The following ZFPM2 variants were observed in gnomAD, a reference collection of about 807,000 sequenced individuals.
ZFPM2 encodes the protein zinc finger protein, FOG family member 2, also known as zinc finger protein ZFPM2.
ZFPM2 carries 20 observed loss-of-function variants against 98.6 expected under a neutral mutation model. The ratio of observed to expected loss-of-function variants is 0.20; its 90% CI spans 0.14 to 0.29. The LOEUF (loss-of-function observed/expected upper bound fraction) is 0.29, where lower values mean the gene tolerates loss of function less well. Ranked by LOEUF, ZFPM2 falls within the 10% of genes least tolerant of loss-of-function variation. ZFPM2 has a pLI of 1.00. For missense variants in ZFPM2, 1,310 were observed against 1,388.6 expected, an observed-to-expected ratio of 0.94 and a Z score of 0.90; for synonymous variants, 518 against 502.7, an observed-to-expected ratio of 1.03 and a Z score of -0.41.
At chr8:105,599,642 A>G (rs1232660307) in intron 4 of ZFPM2, among the ~76,000 whole-genome samples, 1 of 152,036 alleles carries the variant, frequency 6.6e-6, no homozygotes, top group African/African-American at 2.4e-5. Flanking sequence ...CAGGCCTTTC[A>G]TCTATGGCAA....
chr8:105,733,995 A>T (rs928041528), intron 5 of ZFPM2, among the ~76,000 whole-genome samples: 1 of 151,922 alleles, frequency 6.6e-6, no homozygotes, highest in African/African-American at 2.4e-5. Context: ...TCATTCTGCC[A>T]GCCAACATTA....
At chr8:105,553,948 A>G (rs1318654952) in intron 3 of ZFPM2, among the ~76,000 whole-genome samples, 1 of 152,158 alleles carries the variant, frequency 6.6e-6, no homozygotes, top group Non-Finnish European at 1.5e-5. Flanking sequence ...ACAAGGTTCG[A>G]TTTATTAAAG....
At chr8:105,476,450 C>G (rs1016021336) in intron 3 of ZFPM2, among the ~76,000 whole-genome samples, 6 of 152,102 alleles carry the variant, frequency 3.9e-5, no homozygotes, top group African/African-American at 9.7e-5. Flanking sequence ...AGTTTCATCC[C>G]GGAACCATCC....
At chr8:105,432,943 A>G (rs1812048249) in intron 2 of ZFPM2, among the ~76,000 whole-genome samples, 1 of 152,110 alleles carries the variant, frequency 6.6e-6, no homozygotes, top group Admixed American at 6.5e-5. Context: ...TCCACAAAAC[A>G]TAAAAATAAT....
chr8:105,342,497 C>T (rs541006726), intron 1 of ZFPM2, among the ~76,000 whole-genome samples: 32 of 151,988 alleles, frequency 2.1e-4, no homozygotes, highest in Non-Finnish European at 1.9e-4. Flanking sequence ...GTGAGACATT[C>T]GGATGCTCAC....
intron 3 of ZFPM2, among the ~76,000 whole-genome samples, chr8:105,498,008 A>C (rs1586416902): frequency 7.2e-6 from 1 of 139,028 alleles, no homozygotes; most frequent in African/African-American, 2.8e-5. Context: ...CAACATAGGG[A>C]GGCCCTCCCC....
chr8:105,709,399 G>A (rs1811329966), intron 5 of ZFPM2, among the ~76,000 whole-genome samples: 1 of 152,124 alleles, frequency 6.6e-6, no homozygotes. Flanking sequence ...TGTTCTTGAT[G>A]TTTTCTTTTT....
chr8:105,533,954 TCCTC>T (rs1363889308), intron 3 of ZFPM2, among the ~76,000 whole-genome samples: 1 of 7,492 alleles, frequency 1.3e-4, no homozygotes, highest in Non-Finnish European at 2.1e-4. Flanking sequence ...CTTCTTTCCT[TCCTC>T]CCTCCCTCCC....
chr8:105,566,448 A>G (rs2130710637), intron 4 of ZFPM2, among the ~76,000 whole-genome samples: 1 of 152,264 alleles, frequency 6.6e-6, no homozygotes, highest in Non-Finnish European at 1.5e-5. Flanking sequence ...TTTAAAAATC[A>G]CCTTAAGTTC....
intron 5 of ZFPM2, among the ~76,000 whole-genome samples, chr8:105,735,944 C>T (rs529749258): frequency 1.5e-4 from 23 of 152,060 alleles, no homozygotes; most frequent in African/African-American, 3.6e-4. Flanking sequence ...AAAAATTTAA[C>T]GCGGCTATAA....
intron 3 of ZFPM2, among the ~76,000 whole-genome samples, chr8:105,446,419 G>A (rs1812371077): frequency 6.6e-6 from 1 of 152,054 alleles, no homozygotes; most frequent in Admixed American, 6.6e-5. Flanking sequence ...AGTGACTTGG[G>A]AGTAAGTAAG....
Position 105,803,660 on chromosome 8 carries a change from A to G in ZFPM2, c.*122A>G, listed in dbSNP as rs1004370793. The G allele has an allele frequency of 3.1e-6, 3 of 967,948 alleles. No individual in the cohort carries two copies. In the African/African-American group the frequency reaches 4.9e-5, roughly 16 times the overall value. The allele number at this position is 967,948 out of a possible 1,614,324, so 60.0% of individuals were successfully genotyped here. On this transcript the variant is annotated 3_prime_UTR_variant, in exon 8 of 8. Transcript: ENST00000407775. ...ATCAGGAGATAATTCATTATGGCTG[A>G]GTTGAAGACTTAAGGTGTAATTTCA...
intron 3 of ZFPM2, among the ~76,000 whole-genome samples, chr8:105,516,778 C>T (rs191315848): frequency 1.1e-4 from 16 of 152,190 alleles, no homozygotes; most frequent in Admixed American, 9.2e-4. Context: ...TAAAATTTGT[C>T]AAAAGCAGAC....
chr8:105,784,672 T>TATC (rs1482014909), intron 5 of ZFPM2: 1 of 145,886 alleles, frequency 6.9e-6, no homozygotes, highest in Non-Finnish European at 1.5e-5. Flanking sequence ...AGTTCAGCAC[T>TATC]ATCATCTTCT....
At chr8:105,568,519 A>G (rs17217042) in intron 4 of ZFPM2, among the ~76,000 whole-genome samples, 18,933 of 152,094 alleles carry the variant, frequency 0.12, 1,245 homozygotes, top group South Asian at 0.17. Context: ...AGAGTCAAAC[A>G]TCTTCCAAGA....
At chr8:105,629,273 C>T (rs1415135300) in intron 4 of ZFPM2, among the ~76,000 whole-genome samples, 1 of 152,190 alleles carries the variant, frequency 6.6e-6, no homozygotes, top group Non-Finnish European at 1.5e-5. Context: ...ATAAATGGGG[C>T]ACCCCTGTTG....
At chr8:105,334,205 T>G (rs1277578626) in intron 1 of ZFPM2, among the ~76,000 whole-genome samples, 1 of 150,086 alleles carries the variant, frequency 6.7e-6, no homozygotes. Context: ...AATATTGCCA[T>G]TATAATTATG....
intron 5 of ZFPM2, chr8:105,782,357 G>C (rs574227759): frequency 6.6e-6 from 1 of 152,282 alleles, no homozygotes; most frequent in East Asian, 1.9e-4. Flanking sequence ...ACGAAGTCAG[G>C]ACTAAACTAA....
chr8:105,682,133 G>A (rs544738801), intron 5 of ZFPM2, among the ~76,000 whole-genome samples: 30 of 152,272 alleles, frequency 2.0e-4, no homozygotes, highest in Non-Finnish European at 2.1e-4. Flanking sequence ...TTCCGTTCAA[G>A]CCATTACAAG....
Sources: gnomAD v4.1 joint callset for allele counts (sites outside exome capture counted in the v4.1 genomes callset) on GRCh38, gnomAD v4.1.1 for gene constraint, MANE v1.5 for transcripts, NCBI Gene and HGNC (gene_info 2026-07-23, HGNC 2026-07-21) for gene names.